The following GNG12 variants were observed in gnomAD, a reference collection of about 807,000 sequenced individuals.
GNG12 encodes the protein guanine nucleotide-binding protein G(I)/G(S)/G(O) subunit gamma-12.
For missense variants in GNG12, 69 were observed against 83.8 expected (o/e 0.82, Z 0.69); for synonymous variants, 28 against 29.7 (o/e 0.94, Z 0.19).
intron 2 of GNG12, among the ~76,000 whole-genome samples, chr1:67,760,632 G>T (rs898200190): frequency 1.3e-5 from 2 of 152,164 alleles, no homozygotes; most frequent in Non-Finnish European, 2.9e-5. Context: ...AGAACTGTGT[G>T]GAAATACTGA....
chr1:67,792,664 TC>T (rs201945623), intron 1 of GNG12, among the ~76,000 whole-genome samples: 1,627 of 152,322 alleles, frequency 0.011, 34 homozygotes, highest in African/African-American at 0.036. Flanking sequence ...GCAGTTTTTC[TC>T]CCCTCCAGTT....
chr1:67,709,732 G>A lies in GNG12; in HGVS notation c.-26-2020C>T, dbSNP rs184168733. Among the ~76,000 whole-genome samples, 130 of 147,484 alleles carry A rather than the reference G, an allele frequency of 8.8e-4. 1 individual carries two copies. In the East Asian group the frequency reaches 0.015, roughly 17 times the overall value. ...GCTCCCAGACCAGCACTTACTAACA[G>A]AGCCTCTGAAATGCAACTGAGGAAG... On this transcript the variant is annotated intron_variant, in intron 2 of 3. Coordinates refer to ENST00000370982, the MANE Select transcript of GNG12 (RefSeq NM_018841.6).
chr1:67,778,984 C>A (rs1419746120), intron 1 of GNG12, among the ~76,000 whole-genome samples: 1 of 152,100 alleles, frequency 6.6e-6, no homozygotes, highest in Non-Finnish European at 1.5e-5. Context: ...GAAAAGGCTG[C>A]ACCGGGTCTG....
At chr1:67,791,347 A>T (rs1296169070) in intron 1 of GNG12, among the ~76,000 whole-genome samples, 2 of 151,994 alleles carry the variant, frequency 1.3e-5, no homozygotes, top group African/African-American at 4.8e-5. Context: ...CTCAAATCTG[A>T]TGACTCTCAA....
chr1:67,713,247 C>T (rs1646306814), intron 2 of GNG12, among the ~76,000 whole-genome samples: 1 of 152,212 alleles, frequency 6.6e-6, no homozygotes, highest in African/African-American at 2.4e-5. Context: ...CATGCCTGTG[C>T]AGACTGCCAG....
chr1:67,803,350 T>C (rs923846002), intron 1 of GNG12, among the ~76,000 whole-genome samples: 2 of 151,876 alleles, frequency 1.3e-5, no homozygotes, highest in African/African-American at 4.9e-5. Context: ...CTCATCTCTA[T>C]AAATTAAAAA....
At chr1:67,756,898 G>C (rs1467229048) in intron 2 of GNG12, among the ~76,000 whole-genome samples, 1 of 152,218 alleles carries the variant, frequency 6.6e-6, no homozygotes, top group Non-Finnish European at 1.5e-5. Context: ...GTACCCTGCT[G>C]AGGTTCAGGT....
intron 2 of GNG12, among the ~76,000 whole-genome samples, chr1:67,723,056 T>A (rs11807449): frequency 0.032 from 4,928 of 152,224 alleles, 231 homozygotes; most frequent in African/African-American, 0.1. Context: ...CTATCAAACA[T>A]CATTATTATT....
At position 67,833,335 on chromosome 1, in the gene GNG12, G is replaced by C; in HGVS notation, c.-77+9C>G. On this transcript the variant is annotated intron_variant, in intron 1 of 3. Coordinates refer to ENST00000370982, the MANE Select transcript of GNG12 (RefSeq NM_018841.6). ...GACTCACCACCCGCGCCCGCCGCTTGGTACTCACCCGCCTGCCGGTGCGCT... is the reference window on the plus strand; with the variant it reads ...GACTCACCACCCGCGCCCGCCGCTTCGTACTCACCCGCCTGCCGGTGCGCT... 2.3e-5 allele frequency: 22 copies of C among 966,200 alleles called. No individual in the cohort carries two copies. Among genetic ancestry groups the C allele is most frequent in the Non-Finnish European group, 2.7e-5 (22 of 812,204 alleles). The allele number at this position is 966,200 out of a possible 1,614,324, so 59.9% of individuals were successfully genotyped here.
intron 2 of GNG12, among the ~76,000 whole-genome samples, chr1:67,731,727 G>T (rs77738534): frequency 6.6e-6 from 1 of 152,196 alleles, no homozygotes; most frequent in South Asian, 2.1e-4. Context: ...AATTTAAAGC[G>T]GGGCATGATA....
intron 2 of GNG12, among the ~76,000 whole-genome samples, chr1:67,769,257 G>A (rs1036459951): frequency 8.5e-5 from 13 of 152,168 alleles, no homozygotes; most frequent in African/African-American, 2.9e-4. Context: ...TACTCAGCGA[G>A]TGACCTAATT....
At chr1:67,709,220 T>TAGGACCAA (rs1182546286) in intron 2 of GNG12, among the ~76,000 whole-genome samples, 22 of 152,334 alleles carry the variant, frequency 1.4e-4, no homozygotes, top group Admixed American at 1.4e-3. Flanking sequence ...GTGTTTTGCA[T>TAGGACCAA]AGGACCAAGG....
At chr1:67,729,251 C>A (rs1335924680) in intron 2 of GNG12, among the ~76,000 whole-genome samples, 2 of 152,176 alleles carry the variant, frequency 1.3e-5, no homozygotes. Context: ...TTGCAGAGGA[C>A]TCTTAGATCT....
intron 2 of GNG12, among the ~76,000 whole-genome samples, chr1:67,712,848 C>CT (rs1646303967): frequency 7.3e-5 from 11 of 149,826 alleles, no homozygotes; most frequent in African/African-American, 2.7e-4. Context: ...TTTTTTTTCC[C>CT]CTCTTTTTTT....
chr1:67,806,962 T>C (rs1248275111), intron 1 of GNG12, among the ~76,000 whole-genome samples: 2 of 152,046 alleles, frequency 1.3e-5, no homozygotes, highest in Non-Finnish European at 2.9e-5. Flanking sequence ...GACTACTTCA[T>C]CCAACAACAA....
At chr1:67,748,723 C>G (rs1276825526) in intron 2 of GNG12, among the ~76,000 whole-genome samples, 1 of 152,178 alleles carries the variant, frequency 6.6e-6, no homozygotes, top group African/African-American at 2.4e-5. Flanking sequence ...CTCCCCCAAA[C>G]AAGGGAGTTC....
intron 1 of GNG12, among the ~76,000 whole-genome samples, chr1:67,803,457 G>A (rs1646878064): frequency 6.6e-6 from 1 of 152,140 alleles, no homozygotes; most frequent in Non-Finnish European, 1.5e-5. Flanking sequence ...AAGGTGATTC[G>A]GTAAAAGGAG....
At chr1:67,800,890 T>G (rs1222529943) in intron 1 of GNG12, among the ~76,000 whole-genome samples, 2 of 152,156 alleles carry the variant, frequency 1.3e-5, no homozygotes, top group Non-Finnish European at 2.9e-5. Flanking sequence ...TACCACACAC[T>G]GAAAACAGTT....
chr1:67,823,186 C>T (rs1646993619), intron 1 of GNG12, among the ~76,000 whole-genome samples: 1 of 152,156 alleles, frequency 6.6e-6, no homozygotes, highest in South Asian at 2.1e-4. Context: ...AAATTCTAGG[C>T]TTCTTAAAAG....
Sources: gnomAD v4.1 joint callset for allele counts (sites outside exome capture counted in the v4.1 genomes callset) on GRCh38, gnomAD v4.1.1 for gene constraint, MANE v1.5 for transcripts, NCBI Gene and HGNC (gene_info 2026-07-23, HGNC 2026-07-21) for gene names.